The following PGR variants were observed in gnomAD, a reference collection of about 807,000 sequenced individuals.
PGR encodes the protein progesterone receptor.
In PGR, 25 loss-of-function variants were observed where a neutral mutation model predicts 76.1. The observed-to-expected ratio is 0.33, with a 90% CI of 0.24 to 0.46. The LOEUF (loss-of-function observed/expected upper bound fraction) is 0.46, where lower values mean the gene tolerates loss of function less well. Among genes scored for constraint, PGR ranks in the 20% least tolerant of loss-of-function variants. The pLI is 1.00. For missense variants in PGR, 1,172 were observed against 1,225.3 expected, an observed-to-expected ratio of 0.96 and a Z score of 0.65; for synonymous variants, 579 against 535.0, an observed-to-expected ratio of 1.08 and a Z score of -1.14.
chr11:101,058,960 A>C (rs1168705422), intron 4 of PGR, among the ~76,000 whole-genome samples: 2 of 152,158 alleles, frequency 1.3e-5, no homozygotes, highest in Non-Finnish European at 2.9e-5. Flanking sequence ...TGTTTTCTCA[A>C]TCCATAGCTA....
chr11:101,063,100 G>T (rs1824128), intron 3 of PGR: 43,553 of 225,018 alleles, frequency 0.19, 6,255 homozygotes, highest in East Asian at 0.76. Flanking sequence ...TAGCGACTAC[G>T]CTCAGTATTG....
intron 6 of PGR, among the ~76,000 whole-genome samples, chr11:101,047,018 G>C (rs183615306): frequency 6.6e-6 from 1 of 152,086 alleles, no homozygotes; most frequent in Non-Finnish European, 1.5e-5. Context: ...TTAGAATCTT[G>C]ATTAGAATTT....
chr11:101,049,036 G>A (rs751577653), intron 6 of PGR, among the ~76,000 whole-genome samples: 7 of 151,826 alleles, frequency 4.6e-5, no homozygotes, highest in East Asian at 1.9e-4. Context: ...ACATGCCACC[G>A]TGCCTGGCTT....
chr11:101,068,418 A>G (rs1442846047), intron 3 of PGR, among the ~76,000 whole-genome samples: 3 of 152,220 alleles, frequency 2.0e-5, no homozygotes, highest in African/African-American at 4.8e-5. Context: ...GGAAGAATGT[A>G]TATTTTGAAA....
intron 2 of PGR, among the ~76,000 whole-genome samples, chr11:101,124,261 G>A (rs1862770076): frequency 6.6e-6 from 1 of 152,296 alleles, no homozygotes; most frequent in East Asian, 1.9e-4. Context: ...TTCGTCTACA[G>A]TTTTGGATGC....
rs7947125 is a variant in PGR at position 101,030,102 on chromosome 11, A to C, written c.*9014T>G. 50,641 of 219,132 alleles carry C rather than the reference A, an allele frequency of 0.23. 8,749 individuals carry two copies. The highest frequency in any genetic ancestry group is 0.74 in the East Asian group (10,958 of 14,826). The allele number at this position is 219,132 out of a possible 1,614,324, so 13.6% of individuals were successfully genotyped here. On this transcript the variant is annotated 3_prime_UTR_variant, in exon 8 of 8. Coordinates refer to ENST00000325455, the MANE Select transcript of PGR (RefSeq NM_000926.4). ...AGTATATGGGGCTAAATATCTTTAA[A>C]AGTATAACTCTGGACAATGTACTTA...
chr11:101,047,307 A>T (rs567796244), intron 6 of PGR, among the ~76,000 whole-genome samples: 1 of 152,290 alleles, frequency 6.6e-6, no homozygotes, highest in African/African-American at 2.4e-5. Flanking sequence ...AGTTTGGAAG[A>T]TCTAGGACTA....
intron 2 of PGR, among the ~76,000 whole-genome samples, chr11:101,093,414 C>T (rs1861737588): frequency 6.6e-6 from 1 of 151,928 alleles, no homozygotes; most frequent in African/African-American, 2.4e-5. Flanking sequence ...CTATTTCTAC[C>T]CTATACTGAT....
intron 3 of PGR, among the ~76,000 whole-genome samples, chr11:101,066,323 T>C (rs528939528): frequency 2.6e-5 from 4 of 152,328 alleles, no homozygotes; most frequent in African/African-American, 9.6e-5. Context: ...TTCCTTCTTC[T>C]TTTAACGCTC....
chr11:101,115,020 G>A (rs1862458267), intron 2 of PGR, among the ~76,000 whole-genome samples: 1 of 152,034 alleles, frequency 6.6e-6, no homozygotes, highest in Admixed American at 6.6e-5. Context: ...TTAAAGCAGT[G>A]GTAAGCTAAC....
At chr11:101,113,230 T>C (rs1052131341) in intron 2 of PGR, among the ~76,000 whole-genome samples, 4 of 152,104 alleles carry the variant, frequency 2.6e-5, no homozygotes, top group African/African-American at 9.7e-5. Flanking sequence ...TATCTTTAAC[T>C]TGAAGGGGCA....
rs1373870858 is a variant in PGR at position 101,036,355 on chromosome 11, T to A, written c.*2761A>T. 21 of 208,460 alleles carry A rather than the reference T, an allele frequency of 1.0e-4. No individual in the cohort carries two copies. Among genetic ancestry groups the A allele is most frequent in the Non-Finnish European group, 2.0e-5 (2 of 102,420 alleles). The allele number at this position is 208,460 out of a possible 1,614,324, so 12.9% of individuals were successfully genotyped here. ...GTCACATAACTACTGATAATGGAGG[T>A]ATAATGCTTTAGACTCAAATGGCTT... On this transcript the variant is annotated 3_prime_UTR_variant, in exon 8 of 8. Coordinates refer to ENST00000325455, the MANE Select transcript of PGR (RefSeq NM_000926.4).
At chr11:101,086,697 C>T (rs919177376) in intron 3 of PGR, among the ~76,000 whole-genome samples, 4 of 152,162 alleles carry the variant, frequency 2.6e-5, no homozygotes, top group Admixed American at 2.0e-4. Flanking sequence ...AAAGACTCCA[C>T]CAAAAGGCTC....
Position 101,033,157 on chromosome 11 carries a change from G to C in PGR, c.*5959C>G, listed in dbSNP as rs1179667136. On this transcript the variant is annotated 3_prime_UTR_variant, in exon 8 of 8. Coordinates refer to ENST00000325455, the MANE Select transcript of PGR (RefSeq NM_000926.4). ...ACACAGAATACTAAGATCAAAAGGA[G>C]ATACTTTACTGGCTAAAGTGAAGAA... 1 of 209,292 alleles carries C rather than the reference G, an allele frequency of 4.8e-6. No individual in the cohort carries two copies. The highest frequency in any genetic ancestry group is 9.7e-6 in the Non-Finnish European group (1 of 102,948). The allele number at this position is 209,292 out of a possible 1,614,324, so 13.0% of individuals were successfully genotyped here. A position where few individuals can be genotyped will look rare whatever the true frequency, so the allele number is the denominator to read the frequency against.
In PGR at chr11:101,064,331, C is replaced by CAAA. The variant is rs10556132; in HGVS notation, c.1907-1582_1907-1580dup. 1.5e-3 allele frequency among the ~76,000 whole-genome samples: 61 copies of CAAA among 39,448 alleles called. 12 individuals carry two copies. Among genetic ancestry groups the CAAA allele is most frequent in the Non-Finnish European group, 1.9e-3 (42 of 22,580 alleles). 25.9% of individuals were successfully genotyped at this position (39,448 alleles called of 152,430 possible). On this transcript the variant is annotated intron_variant, in intron 3 of 7. Coordinates refer to ENST00000325455, the MANE Select transcript of PGR (RefSeq NM_000926.4). The stretch of plus-strand genomic sequence containing the variant: ...AGGTGACAAGGGAGAAACTCCACCT[C>CAAA]AAAAAAAAAAAAAAAAAAAAAAAAA...
chr11:101,082,344 G>C (rs1022234102), intron 3 of PGR, among the ~76,000 whole-genome samples: 6 of 152,198 alleles, frequency 3.9e-5, no homozygotes, highest in African/African-American at 2.4e-5. Context: ...AATTGGTACT[G>C]GGAGAGTGGA....
chr11:101,123,354 A>G (rs1000199686), intron 2 of PGR, among the ~76,000 whole-genome samples: 1 of 152,156 alleles, frequency 6.6e-6, no homozygotes, highest in African/African-American at 2.4e-5. Flanking sequence ...GCATCCACAC[A>G]CAGCGCCACC....
At chr11:101,122,141 A>C (rs1459333879) in intron 2 of PGR, among the ~76,000 whole-genome samples, 2 of 120,460 alleles carry the variant, frequency 1.7e-5, no homozygotes, top group Admixed American at 9.5e-5. Flanking sequence ...GGCAACAGCG[A>C]GACTCCGTCT....
chr11:101,042,240 A>C (rs1264161158), intron 6 of PGR, 138 bp from the exon 7 acceptor site: 1 of 761,822 alleles, frequency 1.3e-6, no homozygotes, highest in African/African-American at 1.8e-5. Flanking sequence ...TAGGAAAGAG[A>C]TAGTGTTATT....
Sources: gnomAD v4.1 joint callset for allele counts (sites outside exome capture counted in the v4.1 genomes callset) on GRCh38, gnomAD v4.1.1 for gene constraint, MANE v1.5 for transcripts, NCBI Gene and HGNC (gene_info 2026-07-23, HGNC 2026-07-21) for gene names.